GALNT13: variants seen among roughly 807,000 people sequenced by gnomAD.
The protein encoded by GALNT13 is polypeptide N-acetylgalactosaminyltransferase 13, also known as UDP-GalNAc:polypeptide N-acetylgalactosaminyltransferase 13.
Under a neutral mutation model 64.2 loss-of-function variants are expected in GALNT13, and 28 were observed. The observed-to-expected ratio is 0.44, with a 90% confidence interval of 0.32 to 0.60. GALNT13 has a LOEUF of 0.60. GALNT13 is among the 20% of genes least tolerant of loss of function. The pLI is 0.05. For missense variants in GALNT13, 577 were observed against 669.8 expected (o/e 0.86, Z 1.53); for synonymous variants, 214 against 224.6 (o/e 0.95, Z 0.42).
Position 154,396,082 on chromosome 2 carries a change from C to T in GALNT13, c.1248C>T (p.Asn416=). The part of the protein sequence containing the change: ...KCKPFSWYLE[N]IYPDSQIPRR... ...AGCCCTTTTCTTGGTACCTAGAAAACATCTATCCGGACTCCCAGATCCCAA... is the reference window on the plus strand; with the variant it reads ...AGCCCTTTTCTTGGTACCTAGAAAATATCTATCCGGACTCCCAGATCCCAA... The change falls in exon 10 of 13, where the codon AAC becomes AAT. Residue 416 remains asparagine (N), a synonymous_variant. Transcript: ENST00000392825. The T allele has an allele frequency of 1.9e-6, 3 of 1,608,628 alleles. No homozygotes were observed. The highest frequency in any genetic ancestry group is 2.2e-5 in the East Asian group (1 of 44,550).
At chr2:154,276,522 C>A (rs1400853996) in intron 8 of GALNT13, among the ~76,000 whole-genome samples, 1 of 152,164 alleles carries the variant, frequency 6.6e-6, no homozygotes, top group African/African-American at 2.4e-5. Context: ...AGGCATGAAC[C>A]ACCAGGCCCT....
intron 4 of GALNT13, among the ~76,000 whole-genome samples, chr2:154,192,069 TG>T (rs2105757849): frequency 6.6e-6 from 1 of 152,298 alleles, no homozygotes; most frequent in Admixed American, 6.5e-5. Context: ...GGTTTTCCCC[TG>T]GAGTCGGGCT....
chr2:153,568,927 C>T, the GALNT13 span, among the ~76,000 whole-genome samples: 1 of 152,146 alleles, frequency 6.6e-6, no homozygotes, highest in East Asian at 1.9e-4. Context: ...TTAAAATTCA[C>T]CTGCAATATT....
intron 9 of GALNT13, among the ~76,000 whole-genome samples, chr2:154,306,966 G>T (rs1396673922): frequency 6.6e-6 from 1 of 151,736 alleles, no homozygotes; most frequent in Non-Finnish European, 1.5e-5. Flanking sequence ...AGGCAAGAAG[G>T]TGGTTTGTTT....
intron 4 of GALNT13, among the ~76,000 whole-genome samples, chr2:154,204,058 C>G (rs1224215559): frequency 6.6e-6 from 1 of 152,126 alleles, no homozygotes; most frequent in Non-Finnish European, 1.5e-5. Context: ...CCATTTTGAT[C>G]CAAACACACA....
At chr2:153,937,751 A>T (rs1691045826) in intron 2 of GALNT13, among the ~76,000 whole-genome samples, 1 of 152,216 alleles carries the variant, frequency 6.6e-6, no homozygotes, top group Admixed American at 6.5e-5. Flanking sequence ...TGCACAATCA[A>T]ATATGGAATG....
the GALNT13 span, among the ~76,000 whole-genome samples, chr2:153,364,311 C>T: frequency 1.3e-5 from 2 of 151,978 alleles, no homozygotes; most frequent in African/African-American, 4.8e-5. Flanking sequence ...GGAAGCATTC[C>T]CTCTGAAAAC....
At chr2:154,089,033 A>G (rs1353584940) in intron 3 of GALNT13, among the ~76,000 whole-genome samples, 3 of 152,066 alleles carry the variant, frequency 2.0e-5, no homozygotes, top group Admixed American at 2.0e-4. Context: ...TGAATAGCTG[A>G]CCCACAGTTT....
chr2:154,009,255 T>C (rs1227298183), intron 3 of GALNT13, among the ~76,000 whole-genome samples: 1 of 151,994 alleles, frequency 6.6e-6, no homozygotes, highest in African/African-American at 2.4e-5. Flanking sequence ...TGCATTGGTC[T>C]GTGTGTCTGT....
intron 3 of GALNT13, among the ~76,000 whole-genome samples, chr2:154,005,499 T>C (rs1389553261): frequency 6.6e-6 from 1 of 152,158 alleles, no homozygotes; most frequent in Non-Finnish European, 1.5e-5. Context: ...TGCAATGTGG[T>C]TGGAATTTAT....
chr2:153,478,282 C>G, the GALNT13 span: 3 of 1,614,022 alleles, frequency 1.9e-6, no homozygotes, highest in Non-Finnish European at 2.5e-6. Flanking sequence ...AGACGGCCTC[C>G]GGTCCTTCAC....
At chr2:153,886,143 CT>C (rs1236388703) in intron 1 of GALNT13, among the ~76,000 whole-genome samples, 1 of 146,638 alleles carries the variant, frequency 6.8e-6, no homozygotes, top group Non-Finnish European at 1.5e-5. Context: ...AAAACCTAGT[CT>C]TTTATAGTAT....
At chr2:154,065,134 G>A (rs1700395206) in intron 3 of GALNT13, among the ~76,000 whole-genome samples, 1 of 152,126 alleles carries the variant, frequency 6.6e-6, no homozygotes, top group Non-Finnish European at 1.5e-5. Context: ...CACAGGGAGA[G>A]ACTACTTTGC....
chr2:153,102,073 C>T, the GALNT13 span, among the ~76,000 whole-genome samples: 7 of 151,750 alleles, frequency 4.6e-5, no homozygotes, highest in Non-Finnish European at 7.4e-5. Flanking sequence ...AGATTTAATT[C>T]TCTCTTGCTC....
At chr2:154,387,156 C>T (rs1384107362) in intron 9 of GALNT13, among the ~76,000 whole-genome samples, 2 of 151,974 alleles carry the variant, frequency 1.3e-5, no homozygotes, top group African/African-American at 4.8e-5. Flanking sequence ...ACTTATGAGC[C>T]TGGGTAATTT....
At chr2:153,450,400 T>G in the GALNT13 span, among the ~76,000 whole-genome samples, 1 of 152,158 alleles carries the variant, frequency 6.6e-6, no homozygotes, top group Non-Finnish European at 1.5e-5. Context: ...AAAAAATGAT[T>G]GAAGCAAAAT....
chr2:153,962,758 A>T (rs1318681997), intron 3 of GALNT13, among the ~76,000 whole-genome samples: 1 of 151,702 alleles, frequency 6.6e-6, no homozygotes, highest in Non-Finnish European at 1.5e-5. Flanking sequence ...CACAATCATG[A>T]CTCCCTCTGC....
intron 11 of GALNT13, among the ~76,000 whole-genome samples, chr2:154,430,152 C>T (rs1357098426): frequency 6.6e-6 from 1 of 152,164 alleles, no homozygotes; most frequent in East Asian, 1.9e-4. Context: ...TCAAGTCTTA[C>T]TATTTAAGAA....
the GALNT13 span, among the ~76,000 whole-genome samples, chr2:153,170,708 T>G: frequency 6.6e-6 from 1 of 152,212 alleles, no homozygotes; most frequent in Non-Finnish European, 1.5e-5. Context: ...CAAATGAAGT[T>G]AACATTATCT....
Sources: gnomAD v4.1 joint callset for allele counts (sites outside exome capture counted in the v4.1 genomes callset) on GRCh38, gnomAD v4.1.1 for gene constraint, MANE v1.5 for transcripts, NCBI Gene and HGNC (gene_info 2026-07-23, HGNC 2026-07-21) for gene names.